The following WWOX variants were observed in gnomAD, a reference collection of about 807,000 sequenced individuals.
WWOX encodes WW domain containing oxidoreductase, also known as WW domain-containing oxidoreductase.
WWOX carries 69 observed loss-of-function variants against 46.2 expected under a neutral mutation model. The observed-to-expected ratio is 1.49, with a 90% CI of 1.23 to 1.82. WWOX has a LOEUF of 1.82. Among genes scored for constraint, WWOX ranks in the 40% most tolerant of loss-of-function variants. WWOX has a pLI of 0.00. For synonymous variants in WWOX, 359 were observed against 202.6 expected (o/e 1.77, Z -6.56); for missense variants, 919 against 542.6 (o/e 1.69, Z -6.89).
intron 8 of WWOX, among the ~76,000 whole-genome samples, chr16:78,686,582 C>G (rs528227398): frequency 2.6e-5 from 4 of 152,032 alleles, no homozygotes; most frequent in African/African-American, 9.6e-5. Flanking sequence ...ATAAGAAACA[C>G]TAAAGGGGAG....
chr16:78,466,117 C>T (rs146664969), intron 8 of WWOX, among the ~76,000 whole-genome samples: 155 of 152,088 alleles, frequency 1.0e-3, no homozygotes, highest in African/African-American at 3.2e-3. Context: ...CTGCAAGCTC[C>T]GCCTCCCAGG....
At chr16:78,329,652 G>T (rs1168697016) in intron 5 of WWOX, among the ~76,000 whole-genome samples, 1 of 152,176 alleles carries the variant, frequency 6.6e-6, no homozygotes, top group Non-Finnish European at 1.5e-5. Context: ...AGAAACCGTT[G>T]TGGGGAAGCG....
chr16:78,134,121 A>G (rs1485759986), intron 4 of WWOX, among the ~76,000 whole-genome samples: 1 of 152,226 alleles, frequency 6.6e-6, no homozygotes, highest in Non-Finnish European at 1.5e-5. Context: ...AGAAATGGCA[A>G]ACATTGTTAA....
At position 78,099,845 on chromosome 16, in the gene WWOX, G is replaced by T; in HGVS notation, c.67G>T (p.Glu23Ter). Residue 23 changes from glutamate to a stop codon, truncating the protein, a stop_gained, in exon 1 of 9, where the codon GAG becomes TAG. Transcript: ENST00000566780. LOFTEE classifies it high-confidence loss of function. ...DSEDELPPGWEERTTKDGWVY... is the reference protein window; with the variant it reads ...DSEDELPPGW ...TGAGGACGAGCTGCCTCCGGGCTGG[G>T]AGGAGAGAACCACCAAGGACGGCTG... The T allele has an allele frequency of 6.3e-7, 1 of 1,582,106 alleles. No homozygotes were observed. Among genetic ancestry groups the T allele is most frequent in the Non-Finnish European group, 8.6e-7 (1 of 1,164,994 alleles).
intron 8 of WWOX, among the ~76,000 whole-genome samples, chr16:78,821,938 G>A (rs1289708684): frequency 6.6e-6 from 1 of 152,068 alleles, no homozygotes; most frequent in Non-Finnish European, 1.5e-5. Flanking sequence ...AGAGTGCTGT[G>A]GCATCTTAGC....
At chr16:78,476,498 C>A (rs1018164380) in intron 8 of WWOX, among the ~76,000 whole-genome samples, 1 of 151,986 alleles carries the variant, frequency 6.6e-6, no homozygotes, top group Non-Finnish European at 1.5e-5. Context: ...GGAGATATAC[C>A]TAATGTAAAT....
At chr16:78,950,162 C>T (rs532583384) in intron 8 of WWOX, among the ~76,000 whole-genome samples, 2 of 152,230 alleles carry the variant, frequency 1.3e-5, no homozygotes, top group East Asian at 3.9e-4. Context: ...TCTCACTTTT[C>T]CCTTCTTGAT....
At chr16:78,431,691 C>CT (rs200599534) in intron 7 of WWOX, among the ~76,000 whole-genome samples, 108,823 of 143,536 alleles carry the variant, frequency 0.76, 42,266 homozygotes, top group Non-Finnish European at 0.85. Flanking sequence ...GTAGCCAATC[C>CT]TTTTTTTTTT....
intron 4 of WWOX, among the ~76,000 whole-genome samples, chr16:78,152,022 C>G (rs1321769116): frequency 1.3e-5 from 2 of 152,260 alleles, no homozygotes; most frequent in East Asian, 1.9e-4. Flanking sequence ...AACCCCGTCT[C>G]TACTAAAAAT....
chr16:78,256,627 T>C (rs924902535), intron 5 of WWOX, among the ~76,000 whole-genome samples: 12 of 151,846 alleles, frequency 7.9e-5, no homozygotes, highest in African/African-American at 2.7e-4. Flanking sequence ...ATGGGAAGAA[T>C]AGTGTCTGCC....
chr16:79,170,189 G>A (rs978948669), intron 8 of WWOX, among the ~76,000 whole-genome samples: 2 of 152,206 alleles, frequency 1.3e-5, no homozygotes, highest in East Asian at 1.9e-4. Context: ...AATGATTCCC[G>A]GTAGAATGTC....
intron 8 of WWOX, among the ~76,000 whole-genome samples, chr16:78,443,996 T>C (rs1041047091): frequency 3.9e-5 from 6 of 152,186 alleles, no homozygotes; most frequent in Non-Finnish European, 7.3e-5. Flanking sequence ...CAGTGATTTT[T>C]GTATAACTCA....
intron 8 of WWOX, among the ~76,000 whole-genome samples, chr16:78,974,411 C>T (rs1162925081): frequency 1.3e-5 from 2 of 152,124 alleles, no homozygotes; most frequent in Admixed American, 6.5e-5. Flanking sequence ...TATACACTAG[C>T]CTTGGAAAGA....
Position 78,345,768 on chromosome 16 carries a change from C to G in WWOX, c.517-41092C>G, listed in dbSNP as rs139968891. ...TTCTTAACTCTGAAAGCAGAGTGGG[C>G]CATTTGAATGCTCACTTTGATATTT... On this transcript the variant is annotated intron_variant, in intron 5 of 8. Transcript: ENST00000566780. Among the ~76,000 whole-genome samples, 459 of 117,966 alleles carry G rather than the reference C, an allele frequency of 3.9e-3. 86 individuals are homozygous for G. The highest frequency in any genetic ancestry group is 0.013 in the African/African-American group (446 of 34,802). The allele number at this position is 117,966 out of a possible 152,430, so 77.4% of individuals were successfully genotyped here.
intron 5 of WWOX, among the ~76,000 whole-genome samples, chr16:78,339,300 T>G (rs2080961262): frequency 8.6e-6 from 1 of 116,936 alleles, no homozygotes; most frequent in South Asian, 2.6e-4. Context: ...TTGCTGAGTT[T>G]GTGATGTACC....
intron 8 of WWOX, among the ~76,000 whole-genome samples, chr16:78,768,589 C>G (rs1258138793): frequency 3.6e-5 from 5 of 137,154 alleles, no homozygotes; most frequent in Admixed American, 2.2e-4. Context: ...GACTTCATCT[C>G]GAGGAAAAAA....
At chr16:78,936,198 A>G (rs542369742) in intron 8 of WWOX, among the ~76,000 whole-genome samples, 14 of 152,190 alleles carry the variant, frequency 9.2e-5, no homozygotes, top group African/African-American at 3.4e-4. Flanking sequence ...GCAATAGGCA[A>G]AGGCAGTGAG....
At chr16:78,895,451 G>A (rs1194453719) in intron 8 of WWOX, 2 of 152,236 alleles carry the variant, frequency 1.3e-5, no homozygotes, top group East Asian at 3.9e-4. Flanking sequence ...CCCCATGGCA[G>A]TGGTGACGAT....
chr16:78,369,403 T>C (rs2081612944), intron 5 of WWOX, among the ~76,000 whole-genome samples: 1 of 152,140 alleles, frequency 6.6e-6, no homozygotes. Context: ...ACTAAGTTAG[T>C]GGAAGACTTA....
Sources: allele counts gnomAD v4.1 joint callset (sites outside exome capture counted in the v4.1 genomes callset), GRCh38; gene constraint gnomAD v4.1.1; transcripts MANE v1.5; gene names NCBI Gene and HGNC (gene_info 2026-07-23, HGNC 2026-07-21).